Variants in DNAH9 observed in about 807,000 individuals in gnomAD.
DNAH9 encodes the protein DNAH9 variant protein.
In DNAH9, 345 loss-of-function variants were observed where a neutral mutation model predicts 471.6. That is an observed-to-expected ratio of 0.73 (90% CI 0.67 to 0.80). The LOEUF is 0.80. Among genes scored for constraint, DNAH9 ranks in the 30% least tolerant of loss-of-function variants. The pLI is 0.00. For missense variants in DNAH9, 5,407 were observed against 5,609.2 expected (o/e 0.96, Z 1.15); for synonymous variants, 2,093 against 2,123.6 (o/e 0.99, Z 0.40).
At chr17:11,733,988 C>T (rs1230875625) in intron 28 of DNAH9, among the ~76,000 whole-genome samples, 1 of 152,048 alleles carries the variant, frequency 6.6e-6, no homozygotes, top group Non-Finnish European at 1.5e-5. Context: ...AACCATCTGG[C>T]TGAGGGGCAA....
intron 58 of DNAH9, 71 bp from the exon 59 acceptor site, chr17:11,894,303 G>T: frequency 6.3e-7 from 1 of 1,584,196 alleles, no homozygotes; most frequent in South Asian, 1.1e-5. Flanking sequence ...TATACTGAGT[G>T]ACAACCCCTA....
intron 8 of DNAH9, among the ~76,000 whole-genome samples, chr17:11,635,326 C>A (rs2073140477): frequency 6.8e-6 from 1 of 146,298 alleles, no homozygotes; most frequent in Non-Finnish European, 1.5e-5. Context: ...GCCACCATGA[C>A]TCGCTAATTT....
rs755030084 is a variant in DNAH9, at chr17:11,932,131, T to G, written c.12223T>G (p.Ser4075Ala). Residue 4075 changes from serine to alanine, a missense_variant, in exon 64 of 69, where the codon TCA becomes GCA. Physicochemically the swap from Ser to Ala is moderately conservative, Grantham distance 99. Transcript: ENST00000262442. This position sits in a 1 kb window ranked among gnomAD's most constrained non-coding sequence, Gnocchi z 4.3. ...ATTTGGGCCCCAGGGATGGAATCGC[T>G]CATACCCCTTTAACACTGGAGACCT... ...RKFGPQGWNR[S>A]YPFNTGDLTI... The G allele has an allele frequency of 6.2e-7, 1 of 1,614,136 alleles. No homozygotes were observed. The highest frequency in any genetic ancestry group is 1.1e-5 in the South Asian group (1 of 91,072).
At chr17:11,679,643 G>T (rs1029689492) in intron 17 of DNAH9, 114 bp from the exon 18 acceptor site, 7 of 752,478 alleles carry the variant, frequency 9.3e-6, no homozygotes, top group Non-Finnish European at 1.4e-5. Flanking sequence ...GTCAAGTGTT[G>T]GGCATGTGGT....
At chr17:11,686,315 A>G (rs956967962) in intron 19 of DNAH9, among the ~76,000 whole-genome samples, 7 of 151,954 alleles carry the variant, frequency 4.6e-5, no homozygotes, top group Admixed American at 3.9e-4. Context: ...CATTTCTTTT[A>G]ATTATAGTTT....
intron 68 of DNAH9, among the ~76,000 whole-genome samples, chr17:11,967,107 G>A (rs1489614300): frequency 1.3e-5 from 2 of 148,274 alleles, no homozygotes; most frequent in South Asian, 2.2e-4. Context: ...AATATTTTTT[G>A]TTTTTTGTTT....
At chr17:11,635,212 G>A (rs1355341947) in intron 8 of DNAH9, among the ~76,000 whole-genome samples, 1 of 151,788 alleles carries the variant, frequency 6.6e-6, no homozygotes, top group Non-Finnish European at 1.5e-5. Context: ...TGTTGCCTAG[G>A]CTGGAGTGCA....
At chr17:11,907,482 A>T (rs547668901) in intron 61 of DNAH9, among the ~76,000 whole-genome samples, 13 of 151,710 alleles carry the variant, frequency 8.6e-5, no homozygotes, top group African/African-American at 2.7e-4. Context: ...AGTCTGTCCT[A>T]TCAGTAATTC....
chr17:11,875,281 C>T (rs1241413147), intron 53 of DNAH9, 97 bp downstream of exon 53: 49 of 889,024 alleles, frequency 5.5e-5, no homozygotes, highest in Non-Finnish European at 6.2e-5. Flanking sequence ...GGTTTGTACA[C>T]TCCTGGTCTC....
chr17:11,921,494 G>C (rs987093625), intron 61 of DNAH9, among the ~76,000 whole-genome samples: 1 of 152,038 alleles, frequency 6.6e-6, no homozygotes, highest in Non-Finnish European at 1.5e-5. Context: ...AGGAAAGTCA[G>C]AAAAGGAGAG....
chr17:11,763,983 G>A (rs1029459153), intron 36 of DNAH9, among the ~76,000 whole-genome samples: 1 of 152,186 alleles, frequency 6.6e-6, no homozygotes, highest in East Asian at 1.9e-4. Flanking sequence ...GGAAGCTTGA[G>A]TGGAAGGAAA....
rs1359917813 is a variant in DNAH9 at position 11,610,935 on chromosome 17, AGAG to A, written c.773+385_773+387del. On this transcript the variant is annotated intron_variant, in intron 3 of 68. Coordinates refer to ENST00000262442, the MANE Select transcript of DNAH9 (RefSeq NM_001372.4). ...ACACCTTTTGTAAAGTTCTGAATACAGAGGAGTTTTGGGGAGTTGGCTGCAGAA... is the reference window on the plus strand; with the variant it reads ...ACACCTTTTGTAAAGTTCTGAATACAGAGTTTTGGGGAGTTGGCTGCAGAA... Among the ~76,000 whole-genome samples the A allele has an allele frequency of 3.3e-5, 5 of 152,280 alleles. No individual in the cohort carries two copies. The East Asian group carries it at 9.7e-4, about 29-fold the overall frequency.
intron 6 of DNAH9, among the ~76,000 whole-genome samples, chr17:11,627,259 C>T (rs899622290): frequency 2.0e-5 from 3 of 152,170 alleles, no homozygotes; most frequent in Non-Finnish European, 4.4e-5. Context: ...ATAAATATTT[C>T]GCTAATATCT....
chr17:11,776,218 A>G (rs1204699113), intron 38 of DNAH9, among the ~76,000 whole-genome samples: 1 of 152,116 alleles, frequency 6.6e-6, no homozygotes, highest in Non-Finnish European at 1.5e-5. Context: ...TTTTTATAAG[A>G]CAGGAATTCT....
At chr17:11,653,156 G>C (rs3744576) in intron 14 of DNAH9, among the ~76,000 whole-genome samples, 154 bp downstream of exon 14, 3 of 152,088 alleles carry the variant, frequency 2.0e-5, no homozygotes, top group Non-Finnish European at 2.9e-5. Context: ...GACTAAAGCT[G>C]ATAGACTGGG....
At chr17:11,605,236 C>T (rs566298070) in intron 1 of DNAH9, among the ~76,000 whole-genome samples, 1 of 152,284 alleles carries the variant, frequency 6.6e-6, no homozygotes, top group African/African-American at 2.4e-5. Flanking sequence ...TCAGGCCAAC[C>T]TCAACATTTA....
At chr17:11,752,518 T>A (rs1413674999) in intron 32 of DNAH9, among the ~76,000 whole-genome samples, 1 of 152,054 alleles carries the variant, frequency 6.6e-6, no homozygotes, top group African/African-American at 2.4e-5. Context: ...TACAAAAAAA[T>A]TAGCTGGGCA....
chr17:11,814,597 A>G (rs940670938), intron 45 of DNAH9, among the ~76,000 whole-genome samples: 2 of 152,204 alleles, frequency 1.3e-5, no homozygotes, highest in Non-Finnish European at 2.9e-5. Context: ...TCAAAGATGA[A>G]TAACATGTAA....
intron 1 of DNAH9, among the ~76,000 whole-genome samples, chr17:11,602,579 G>A (rs2072408978): frequency 6.6e-6 from 1 of 152,186 alleles, no homozygotes; most frequent in Admixed American, 6.5e-5. Context: ...GCTGCATCCT[G>A]TACAGATGGT....
Sources: allele counts gnomAD v4.1 joint callset (sites outside exome capture counted in the v4.1 genomes callset), GRCh38; gene constraint gnomAD v4.1.1; non-coding constraint Gnocchi (gnomAD v3.1); transcripts MANE v1.5; gene names NCBI Gene and HGNC (gene_info 2026-07-23, HGNC 2026-07-21).